Variants in RBFOX1 observed in about 807,000 individuals in gnomAD.
RBFOX1 encodes RNA binding fox-1 homolog 1, also known as RNA binding protein fox-1 homolog 1.
Under a neutral mutation model 57.7 loss-of-function variants are expected in RBFOX1, and 8 were observed. That is an observed-to-expected ratio of 0.14 (90% CI 0.08 to 0.25). The LOEUF (loss-of-function observed/expected upper bound fraction) is 0.25. Among genes scored for constraint, RBFOX1 ranks in the 10% least tolerant of loss-of-function variants. RBFOX1 has a pLI of 1.00. For missense variants in RBFOX1, 611 were observed against 548.5 expected (o/e 1.11, Z -1.14); for synonymous variants, 326 against 222.4 (o/e 1.47, Z -4.15).
chr16:6,527,185 A>G (rs2096592723), intron 2 of RBFOX1, among the ~76,000 whole-genome samples: 1 of 152,206 alleles, frequency 6.6e-6, no homozygotes, highest in South Asian at 2.1e-4. Flanking sequence ...GGAAAAAGTA[A>G]GTCTCCTATC....
At chr16:6,572,469 C>T (rs2097357868) in intron 2 of RBFOX1, among the ~76,000 whole-genome samples, 4 of 152,166 alleles carry the variant, frequency 2.6e-5, no homozygotes, top group Admixed American at 1.3e-4. Flanking sequence ...ACTAAGCGTG[C>T]ATGTACAAAT....
intron 4 of RBFOX1, among the ~76,000 whole-genome samples, chr16:7,229,631 G>A (rs1294899618): frequency 2.2e-5 from 3 of 138,736 alleles, no homozygotes; most frequent in Non-Finnish European, 4.7e-5. Context: ...TGGAGGGAGG[G>A]AAGGGAAGGA....
At chr16:5,916,382 C>G (rs1288867953) in intron 4 of RBFOX1, among the ~76,000 whole-genome samples, 6 of 152,152 alleles carry the variant, frequency 3.9e-5, no homozygotes, top group Admixed American at 3.9e-4. Context: ...CTTCCTCCCT[C>G]TCTTATTTCT....
At chr16:5,897,554 G>T (rs1241215498) in intron 4 of RBFOX1, among the ~76,000 whole-genome samples, 1 of 152,106 alleles carries the variant, frequency 6.6e-6, no homozygotes, top group Non-Finnish European at 1.5e-5. Context: ...ATGACCCCCG[G>T]GGTTTGCTCC....
At chr16:7,215,384 C>T (rs1277095449) in intron 4 of RBFOX1, among the ~76,000 whole-genome samples, 1 of 152,156 alleles carries the variant, frequency 6.6e-6, no homozygotes, top group African/African-American at 2.4e-5. Context: ...TTTATTGCAG[C>T]AGTAATTACA....
chr16:6,041,461 C>G (rs886091606), intron 1 of RBFOX1, among the ~76,000 whole-genome samples: 3 of 152,116 alleles, frequency 2.0e-5, no homozygotes, highest in African/African-American at 7.2e-5. Context: ...ACTGTTCTTT[C>G]TTAGTGTTTT....
rs192403167 is a variant in RBFOX1, at chr16:7,079,936, A to G, written c.27+27838A>G. On this transcript the variant is annotated intron_variant, in intron 4 of 15. Coordinates refer to ENST00000550418, the MANE Select transcript of RBFOX1 (RefSeq NM_018723.4). ...GGATGGTGGTGATGGTTGCCCAACA[A>G]TGTGAATGTACTTAATGCAGCTGAA... Among the ~76,000 whole-genome samples the G allele has an allele frequency of 4.5e-3, 679 of 151,724 alleles. 4 individuals are homozygous for G. The highest frequency in any genetic ancestry group is 0.015 in the African/African-American group (636 of 41,410).
chr16:5,289,463 A>T (rs2063482431), intron 1 of RBFOX1: 1 of 221,012 alleles, frequency 4.5e-6, no homozygotes, highest in Non-Finnish European at 9.1e-6. Flanking sequence ...CCTTAATATA[A>T]AAAGAAAGCA....
chr16:7,538,309 C>T (rs2082037133), intron 5 of RBFOX1, among the ~76,000 whole-genome samples: 1 of 152,162 alleles, frequency 6.6e-6, no homozygotes, highest in African/African-American at 2.4e-5. Flanking sequence ...ATGGTATGTG[C>T]TGTCCATCTG....
chr16:7,028,361 G>C (rs562054825), intron 3 of RBFOX1, among the ~76,000 whole-genome samples: 2 of 152,036 alleles, frequency 1.3e-5, no homozygotes, highest in Non-Finnish European at 2.9e-5. Flanking sequence ...AGTTAGATGG[G>C]ATGGATTTTA....
chr16:6,073,287 G>T (rs942147064), intron 1 of RBFOX1, among the ~76,000 whole-genome samples: 3 of 152,130 alleles, frequency 2.0e-5, no homozygotes, highest in African/African-American at 7.2e-5. Context: ...TATTAGGTTG[G>T]TGTAAAAGGA....
intron 4 of RBFOX1, among the ~76,000 whole-genome samples, chr16:7,305,257 C>T (rs17143361): frequency 0.089 from 13,458 of 151,968 alleles, 977 homozygotes; most frequent in South Asian, 0.22. Context: ...CTGTCTTTCT[C>T]AGGGTGTTTC....
At chr16:6,997,376 C>A (rs1307323574) in intron 3 of RBFOX1, among the ~76,000 whole-genome samples, 1 of 152,124 alleles carries the variant, frequency 6.6e-6, no homozygotes, top group African/African-American at 2.4e-5. Flanking sequence ...CAATTGTCAA[C>A]CTATGTTGAA....
At chr16:6,317,193 GC>G (rs1186651835) in intron 2 of RBFOX1, 136 bp downstream of exon 2, 2 of 791,350 alleles carry the variant, frequency 2.5e-6, no homozygotes, top group Non-Finnish European at 4.0e-6. Flanking sequence ...TTTCTCTTCT[GC>G]CCTATTGTAT....
intron 3 of RBFOX1, among the ~76,000 whole-genome samples, chr16:6,882,006 T>G (rs1361789311): frequency 1.3e-5 from 2 of 152,104 alleles, no homozygotes; most frequent in African/African-American, 2.4e-5. Flanking sequence ...TTAAAAAAAC[T>G]AAAATCACCA....
chr16:7,496,110 A>G lies in RBFOX1; in HGVS notation c.28-22037A>G, dbSNP rs140675116. On this transcript the variant is annotated intron_variant, in intron 4 of 15. Transcript: ENST00000550418. ...AGCAGTGAGTCAGTGCACACATCCT[A>G]CCTTCTGGGCATCAGTTTCCTCACC... Among the ~76,000 whole-genome samples the G allele has an allele frequency of 5.4e-3, 825 of 152,128 alleles. 2 individuals carry two copies. The highest frequency in any genetic ancestry group is 0.02 in the Middle Eastern group (6 of 294).
At chr16:6,955,264 A>T (rs963246439) in intron 3 of RBFOX1, among the ~76,000 whole-genome samples, 2 of 151,998 alleles carry the variant, frequency 1.3e-5, no homozygotes, top group Non-Finnish European at 2.9e-5. Context: ...AAAAAAAGAA[A>T]TTTAATCTAG....
chr16:7,374,606 A>T (rs2097649431), intron 4 of RBFOX1, among the ~76,000 whole-genome samples: 1 of 152,170 alleles, frequency 6.6e-6, no homozygotes, highest in African/African-American at 2.4e-5. Context: ...TCTGCATGAG[A>T]TGAAGGGTGA....
intron 3 of RBFOX1, among the ~76,000 whole-genome samples, chr16:6,719,639 G>A (rs191258293): frequency 6.6e-6 from 1 of 151,506 alleles, no homozygotes; most frequent in African/African-American, 2.4e-5. Context: ...GTAGAGATGG[G>A]GTTTCACCAT....
Sources: allele counts gnomAD v4.1 joint callset (sites outside exome capture counted in the v4.1 genomes callset), GRCh38; gene constraint gnomAD v4.1.1; transcripts MANE v1.5; gene names NCBI Gene and HGNC (gene_info 2026-07-23, HGNC 2026-07-21).